Variants in PLCH2 observed in about 807,000 individuals in gnomAD.
PLCH2 encodes the protein 1-phosphatidylinositol 4,5-bisphosphate phosphodiesterase eta-2.
In PLCH2, 98 loss-of-function variants were observed where a neutral mutation model predicts 134.7. The observed-to-expected ratio is 0.73, with a 90% CI of 0.62 to 0.86. The LOEUF is 0.86. PLCH2 is among the 40% of genes least tolerant of loss of function. The pLI is 0.00. For synonymous variants in PLCH2, 974 were observed against 827.5 expected (o/e 1.18, Z -3.04); for missense variants, 1,994 against 1,986.6 (o/e 1.00, Z -0.07).
At position 2,498,291 on chromosome 1, in the gene PLCH2, T is replaced by A; in HGVS notation, c.2225-232T>A. 2.0e-6 allele frequency: 1 copy of A among 492,190 alleles called. No individual in the cohort carries two copies. The highest frequency in any genetic ancestry group is 3.6e-6 in the Non-Finnish European group (1 of 274,260). The allele number at this position is 492,190 out of a possible 1,614,324, so 30.5% of individuals were successfully genotyped here. The stretch of plus-strand genomic sequence containing the variant: ...AGCCATGTGACCTCCTCGGCTCAGC[T>A]GTGGGAGGCATGGGCTCTGTCCCAC... On this transcript the variant is annotated intron_variant, in intron 16 of 21. Coordinates refer to ENST00000378486, the MANE Select transcript of PLCH2 (RefSeq NM_014638.4). The surrounding 1 kb of genome is among the most constrained non-coding windows in gnomAD (Gnocchi z 5.4).
upstream of PLCH2, among the ~76,000 whole-genome samples, chr1:2,465,822 C>T (rs1237775109): frequency 3.3e-5 from 5 of 152,124 alleles, no homozygotes; most frequent in Admixed American, 1.3e-4. Context: ...TGGGTTTCAC[C>T]GGCCTCTGGA....
At position 2,495,575 on chromosome 1, in the gene PLCH2, G is replaced by A; in HGVS notation, c.1835+5G>A. 3 of 1,543,648 alleles carry A rather than the reference G, an allele frequency of 1.9e-6. No homozygotes were observed. Among genetic ancestry groups the A allele is most frequent in the Non-Finnish European group, 2.6e-6 (3 of 1,142,898 alleles). ...CCCGGGAGGCCAGAGCCGAGGGTAG[G>A]TGCCCTGCCCCACGGGGAGGCCCCG... On this transcript the variant is annotated splice_donor_5th_base_variant and intron_variant, in intron 13 of 21. Transcript: ENST00000378486.
At chr1:2,463,555 A>C (rs1640922485), upstream of PLCH2, among the ~76,000 whole-genome samples, 1 of 152,196 alleles carries the variant, frequency 6.6e-6, no homozygotes, top group Non-Finnish European at 1.5e-5. Context: ...GAGGCACCCC[A>C]CGAAGGCCCC....
chr1:2,487,576 A>T, intron 7 of PLCH2, 22 bp from the exon 8 acceptor site: 1 of 1,606,512 alleles, frequency 6.2e-7, no homozygotes, highest in South Asian at 1.1e-5. Flanking sequence ...CCTGGGGCTG[A>T]CCAAGGCCTG....
chr1:2,499,776 G>A, intron 20 of PLCH2, 56 bp downstream of exon 20: 2 of 1,338,826 alleles, frequency 1.5e-6, no homozygotes, highest in African/African-American at 1.5e-5. Flanking sequence ...CCAGCCCCTT[G>A]TCCCATGCCC....
the PLCH2 span, among the ~76,000 whole-genome samples, chr1:2,416,571 G>A: frequency 6.6e-6 from 1 of 152,128 alleles, no homozygotes; most frequent in Non-Finnish European, 1.5e-5. Flanking sequence ...GCAGCGGGCG[G>A]CACTGGGCCC....
At chr1:2,424,509 G>A (rs1201952827), upstream of PLCH2, among the ~76,000 whole-genome samples, 1 of 152,176 alleles carries the variant, frequency 6.6e-6, no homozygotes, top group Non-Finnish European at 1.5e-5. Flanking sequence ...TTAACTTGAT[G>A]TTCTCCAGTT....
chr1:2,459,626 C>T (rs139124692), intron 2 of PLCH2, among the ~76,000 whole-genome samples: 252 of 5,772 alleles, frequency 0.044, 20 homozygotes, highest in South Asian at 0.22. Context: ...GCCTGTGGTC[C>T]TCCTTGCCTG....
intron 15 of PLCH2, 26 bp downstream of exon 15, chr1:2,497,036 T>C (rs990221598): frequency 1.2e-6 from 2 of 1,604,534 alleles, no homozygotes; most frequent in Non-Finnish European, 1.7e-6. Context: ...GTGCGCTGGG[T>C]GTGGTGGGGA....
chr1:2,439,082 T>C lies in PLCH2; in HGVS notation c.115+8453T>C, dbSNP rs919434320. Among the ~76,000 whole-genome samples, 12 of 152,156 alleles carry C rather than the reference T, an allele frequency of 7.9e-5. No homozygotes were observed. The highest frequency in any genetic ancestry group is 2.9e-4 in the African/African-American group (12 of 41,438). ...GTCTTGCTAGACCTGGACGGAAATA[T>C]CTCCCTTGCCAATGAGAAACTGTTT... is the stretch of plus-strand genomic sequence containing the variant. On this transcript the variant is annotated intron_variant, in intron 2 of 3. Transcript: ENST00000609981. This position sits in a 1 kb window ranked among gnomAD's most constrained non-coding sequence, Gnocchi z 4.7.
intron 2 of PLCH2, among the ~76,000 whole-genome samples, chr1:2,432,301 G>T (rs7547802): frequency 3.3e-5 from 5 of 152,218 alleles, no homozygotes; most frequent in South Asian, 2.1e-4. Flanking sequence ...GTGCAGCTTG[G>T]GGGTGAATAA....
chr1:2,475,005 G>A (rs1290228048), upstream of PLCH2, among the ~76,000 whole-genome samples: 1 of 152,212 alleles, frequency 6.6e-6, no homozygotes, highest in Non-Finnish European at 1.5e-5. Flanking sequence ...CCACGGCAGA[G>A]CCCAGAAACG....
At position 2,444,338 on chromosome 1, in the gene PLCH2, C is replaced by A. The variant is rs1639839483; in HGVS notation, c.115+13709C>A. 6.6e-6 allele frequency among the ~76,000 whole-genome samples: 1 copy of A among 152,232 alleles called. No homozygotes were observed. The highest frequency in any genetic ancestry group is 1.5e-5 in the Non-Finnish European group (1 of 68,030). ...CCCTGCCGGATGGTGCCGCAGGGCA[C>A]CCTGTGTGGGTCCGGGAGGTGCTGC... On this transcript the variant is annotated intron_variant, in intron 2 of 3. Coordinates refer to the PLCH2 transcript ENST00000609981. This position sits in a 1 kb window ranked among gnomAD's most constrained non-coding sequence, Gnocchi z 4.6.
At position 2,430,828 on chromosome 1, in the gene PLCH2, G is replaced by A. The variant is rs565785712; in HGVS notation, c.115+199G>A. On this transcript the variant is annotated intron_variant, in intron 2 of 3. Coordinates refer to the PLCH2 transcript ENST00000609981. ...AGGTGGGGCCGCCACGTGCAGAGGA[G>A]CCTGGCGTGCAATTCAAGAGCTCTC... Among the ~76,000 whole-genome samples, 6 of 152,356 alleles carry A rather than the reference G, an allele frequency of 3.9e-5. No individual in the cohort carries two copies. The East Asian group carries it at 1.2e-3, about 29-fold the overall frequency.
chr1:2,446,159 G>A (rs1448998608), intron 2 of PLCH2, among the ~76,000 whole-genome samples: 1 of 152,238 alleles, frequency 6.6e-6, no homozygotes. Context: ...CTGCCAGGAA[G>A]GGGTGGCCAT....
chr1:2,501,962 CCA>C, intron 20 of PLCH2, 148 bp from the exon 21 acceptor site: 1 of 658,462 alleles, frequency 1.5e-6, no homozygotes, highest in Non-Finnish European at 2.4e-6. Context: ...CCTGGTGTGT[CCA>C]CACACCCCCA....
At chr1:2,459,521 CT>C (rs1640690603) in intron 2 of PLCH2, among the ~76,000 whole-genome samples, 3 of 131,798 alleles carry the variant, frequency 2.3e-5, no homozygotes, top group East Asian at 2.2e-4. Context: ...GTCCTCCTTC[CT>C]GGTGGTCCTC....
chr1:2,421,068 C>T (rs1373333993), upstream of PLCH2, among the ~76,000 whole-genome samples: 1 of 151,978 alleles, frequency 6.6e-6, no homozygotes, highest in Non-Finnish European at 1.5e-5. Flanking sequence ...CCTCAGCCTC[C>T]TGAGTAGCTG....
At chr1:2,438,989 T>C (rs1421881529) in intron 2 of PLCH2, among the ~76,000 whole-genome samples, 1 of 152,208 alleles carries the variant, frequency 6.6e-6, no homozygotes, top group Non-Finnish European at 1.5e-5. Flanking sequence ...TCTGGCCACA[T>C]GGGTGGCTCC....
Sources: allele counts gnomAD v4.1 joint callset (sites outside exome capture counted in the v4.1 genomes callset), GRCh38; gene constraint gnomAD v4.1.1; non-coding constraint Gnocchi (gnomAD v3.1); transcripts MANE v1.5; gene names NCBI Gene and HGNC (gene_info 2026-07-23, HGNC 2026-07-21).